Variants in ELFN1 observed in about 807,000 individuals in gnomAD.
ELFN1 encodes protein ELFN1.
ELFN1 carries 6 observed loss-of-function variants against 7.6 expected under a neutral mutation model. The observed-to-expected ratio is 0.79, with a 90% confidence interval of 0.43 to 1.56. ELFN1 has a LOEUF of 1.56. Among genes scored for constraint, ELFN1 ranks in the 40% most tolerant of loss-of-function variants. ELFN1 has a pLI of 0.01. For synonymous variants in ELFN1, 657 were observed against 588.1 expected (o/e 1.12, Z -1.70); for missense variants, 1,169 against 1,232.2 (o/e 0.95, Z 0.77).
chr7:1,697,790 G>A (rs941564245), intron 2 of ELFN1, among the ~76,000 whole-genome samples: 28 of 152,076 alleles, frequency 1.8e-4, no homozygotes, highest in African/African-American at 6.8e-4. Flanking sequence ...TTGTTTAATC[G>A]TAATTTATTT....
intron 3 of ELFN1, among the ~76,000 whole-genome samples, chr7:1,712,953 G>T (rs1471470985): frequency 6.6e-6 from 1 of 152,168 alleles, no homozygotes; most frequent in Non-Finnish European, 1.5e-5. Context: ...GCATCAAGTA[G>T]ATACTCATTC....
At chr7:1,738,748 G>C (rs1354837069) in intron 3 of ELFN1, 3 of 152,040 alleles carry the variant, frequency 2.0e-5, no homozygotes, top group Non-Finnish European at 2.9e-5. Flanking sequence ...GTCCAGTCCT[G>C]GCTGCTGGGC....
intron 3 of ELFN1, among the ~76,000 whole-genome samples, chr7:1,730,158 G>C (rs1441682755): frequency 6.6e-6 from 1 of 152,258 alleles, no homozygotes; most frequent in East Asian, 1.9e-4. Flanking sequence ...TGAAAATCTG[G>C]AAAGCACAGA....
intron 2 of ELFN1, among the ~76,000 whole-genome samples, chr7:1,706,435 A>AAAACG (rs1337102840): frequency 7.4e-6 from 1 of 135,254 alleles, no homozygotes; most frequent in Non-Finnish European, 1.5e-5. Context: ...AAAACAAAAC[A>AAAACG]AAACAAAACA....
chr7:1,696,040 C>G, intron 2 of ELFN1, among the ~76,000 whole-genome samples: 1 of 152,178 alleles, frequency 6.6e-6, no homozygotes, highest in East Asian at 1.9e-4. Context: ...TAGACAGCAG[C>G]ACACATTGTC....
chr7:1,697,755 T>C (rs908301510), intron 2 of ELFN1, among the ~76,000 whole-genome samples: 6 of 152,196 alleles, frequency 3.9e-5, no homozygotes, highest in Non-Finnish European at 8.8e-5. Flanking sequence ...TCAAGGCATG[T>C]GTCACCTGAA....
intron 2 of ELFN1, among the ~76,000 whole-genome samples, chr7:1,690,279 G>A (rs1779132708): frequency 2.0e-5 from 3 of 151,550 alleles, no homozygotes; most frequent in Admixed American, 2.0e-4. Flanking sequence ...GAGTGGGTAG[G>A]TGGATAGGTG....
upstream of ELFN1, among the ~76,000 whole-genome samples, chr7:1,668,033 C>G (rs1778698850): frequency 6.6e-6 from 1 of 152,152 alleles, no homozygotes; most frequent in Admixed American, 6.5e-5. Flanking sequence ...CTCTGCCGTC[C>G]CCTCCCCCAG....
At chr7:1,708,568 C>G (rs1562368636) in intron 2 of ELFN1, among the ~76,000 whole-genome samples, 2 of 152,204 alleles carry the variant, frequency 1.3e-5, no homozygotes, top group Non-Finnish European at 2.9e-5. Context: ...AGGGCCCTGC[C>G]AGGGGTGGAG....
chr7:1,743,985 G>C (rs1452989920), intron 3 of ELFN1, among the ~76,000 whole-genome samples: 2 of 152,336 alleles, frequency 1.3e-5, no homozygotes, highest in East Asian at 3.9e-4. Flanking sequence ...ATTCTGGGCT[G>C]TCAGTACCTT....
At chr7:1,743,931 C>T (rs943572031) in intron 3 of ELFN1, among the ~76,000 whole-genome samples, 15 of 152,176 alleles carry the variant, frequency 9.9e-5, no homozygotes, top group Non-Finnish European at 1.5e-4. Flanking sequence ...TTCCCTTATC[C>T]GACCGGGGTT....
intron 2 of ELFN1, chr7:1,693,624 C>G (rs116792714): frequency 2.1e-6 from 1 of 471,244 alleles, no homozygotes; most frequent in Non-Finnish European, 4.4e-6. Context: ...ACACCTCCGG[C>G]GGTGCCCAGT....
intron 2 of ELFN1, among the ~76,000 whole-genome samples, chr7:1,704,708 G>C (rs1018446189): frequency 6.6e-6 from 1 of 152,074 alleles, no homozygotes; most frequent in African/African-American, 2.4e-5. Flanking sequence ...CCCCTGCGAG[G>C]TCAGTGCCAG....
chr7:1,672,183 T>G (rs1778780657), intron 1 of ELFN1, among the ~76,000 whole-genome samples: 1 of 152,018 alleles, frequency 6.6e-6, no homozygotes, highest in South Asian at 2.1e-4. Flanking sequence ...TGAGGCCTGG[T>G]AAGTCTGGGG....
intron 3 of ELFN1, among the ~76,000 whole-genome samples, chr7:1,725,315 T>C (rs1294405685): frequency 6.6e-6 from 1 of 152,168 alleles, no homozygotes. Flanking sequence ...CTGGGGCTCC[T>C]GGCAGCTGGC....
At chr7:1,710,616 C>CG (rs769394391) in intron 3 of ELFN1, among the ~76,000 whole-genome samples, 3 of 152,294 alleles carry the variant, frequency 2.0e-5, no homozygotes, top group South Asian at 4.1e-4. Flanking sequence ...AACTGAGGCC[C>CG]GGGGGGCCAC....
intron 1 of ELFN1, among the ~76,000 whole-genome samples, chr7:1,681,233 C>G (rs1373656395): frequency 6.6e-6 from 1 of 152,202 alleles, no homozygotes; most frequent in Non-Finnish European, 1.5e-5. Flanking sequence ...TTTTACTTAT[C>G]CATTATCCAA....
At chr7:1,704,356 G>A (rs565878781) in intron 2 of ELFN1, among the ~76,000 whole-genome samples, 17 of 152,138 alleles carry the variant, frequency 1.1e-4, no homozygotes, top group African/African-American at 3.9e-4. Flanking sequence ...GTCCTGATCC[G>A]GACAAAAGGA....
intron 2 of ELFN1, among the ~76,000 whole-genome samples, chr7:1,696,105 G>T (rs903925476): frequency 6.6e-6 from 1 of 152,138 alleles, no homozygotes; most frequent in Non-Finnish European, 1.5e-5. Flanking sequence ...TTGGTTCTAG[G>T]AGGGCCAGTG....
Sources: allele counts gnomAD v4.1 joint callset (sites outside exome capture counted in the v4.1 genomes callset), GRCh38; gene constraint gnomAD v4.1.1; transcripts MANE v1.5; gene names NCBI Gene and HGNC (gene_info 2026-07-23, HGNC 2026-07-21).